Variants in MECOM observed in about 807,000 individuals in gnomAD.
MECOM encodes MDS1 and EVI1 complex locus, also known as histone-lysine N-methyltransferase MECOM.
MECOM carries 13 observed loss-of-function variants against 116.3 expected under a neutral mutation model. The observed-to-expected ratio is 0.11, with a 90% CI of 0.07 to 0.18. The LOEUF (loss-of-function observed/expected upper bound fraction) is 0.18, where lower values mean the gene tolerates loss of function less well. Ranked by LOEUF, MECOM falls within the 10% of genes least tolerant of loss-of-function variation. The pLI is 1.00. For synonymous variants in MECOM, 528 were observed against 535.2 expected (o/e 0.99, Z 0.19); for missense variants, 1,299 against 1,509.0 (o/e 0.86, Z 2.31).
chr3:169,271,759 A>G (rs1418742595), intron 2 of MECOM, among the ~76,000 whole-genome samples: 1 of 152,214 alleles, frequency 6.6e-6, no homozygotes, highest in Non-Finnish European at 1.5e-5. Flanking sequence ...AAATTTTAAA[A>G]AAAGAATTTT....
At chr3:169,282,310 T>C (rs1712237680) in intron 2 of MECOM, among the ~76,000 whole-genome samples, 1 of 152,152 alleles carries the variant, frequency 6.6e-6, no homozygotes, top group Admixed American at 6.5e-5. Context: ...AAGTAAGCAA[T>C]ATGCACAGGA....
intron 2 of MECOM, among the ~76,000 whole-genome samples, chr3:169,229,711 G>C (rs1225598634): frequency 2.0e-5 from 3 of 152,118 alleles, no homozygotes; most frequent in Non-Finnish European, 4.4e-5. Flanking sequence ...ATGCCCTCAA[G>C]ATAGCACTCA....
At chr3:169,385,260 T>C (rs1014538484) in intron 1 of MECOM, among the ~76,000 whole-genome samples, 1 of 152,146 alleles carries the variant, frequency 6.6e-6, no homozygotes, top group Non-Finnish European at 1.5e-5. Context: ...AAAATACATG[T>C]GTGTGCCCAG....
chr3:169,648,230 A>G (rs1185293327), intron 1 of MECOM, among the ~76,000 whole-genome samples: 2 of 152,244 alleles, frequency 1.3e-5, no homozygotes, highest in Admixed American at 6.5e-5. Context: ...ATTATGCTGT[A>G]TTAGGTATCA....
At chr3:169,158,984 G>GT (rs1190028175) in intron 2 of MECOM, among the ~76,000 whole-genome samples, 2 of 152,296 alleles carry the variant, frequency 1.3e-5, no homozygotes, top group East Asian at 3.9e-4. Context: ...CCAGTCATCT[G>GT]TTTTCACAAA....
chr3:169,349,435 C>T (rs549053734), intron 2 of MECOM, among the ~76,000 whole-genome samples: 10 of 151,944 alleles, frequency 6.6e-5, no homozygotes, highest in Non-Finnish European at 1.0e-4. Flanking sequence ...CCTATGGATA[C>T]AGGTATGCAT....
At chr3:169,572,629 G>A (rs1764040643) in intron 1 of MECOM, among the ~76,000 whole-genome samples, 1 of 152,164 alleles carries the variant, frequency 6.6e-6, no homozygotes, top group South Asian at 2.1e-4. Context: ...AAGAAAATGT[G>A]GCACATGTAC....
At chr3:169,650,773 C>G (rs1774797049) in intron 1 of MECOM, among the ~76,000 whole-genome samples, 1 of 152,002 alleles carries the variant, frequency 6.6e-6, no homozygotes, top group Non-Finnish European at 1.5e-5. Context: ...TAATTGCAGA[C>G]TTTACTTTCA....
intron 1 of MECOM, among the ~76,000 whole-genome samples, chr3:169,641,668 T>C (rs1773510796): frequency 2.0e-5 from 3 of 152,238 alleles, no homozygotes; most frequent in Non-Finnish European, 4.4e-5. Flanking sequence ...TATTAGCTCA[T>C]TTGAACCTCA....
intron 1 of MECOM, among the ~76,000 whole-genome samples, chr3:169,489,549 C>G (rs1752828502): frequency 6.6e-6 from 1 of 152,048 alleles, no homozygotes. Flanking sequence ...AGAAATGGAC[C>G]AAATGATCAG....
At chr3:169,647,709 T>C (rs1211920331) in intron 1 of MECOM, among the ~76,000 whole-genome samples, 1 of 152,208 alleles carries the variant, frequency 6.6e-6, no homozygotes, top group Non-Finnish European at 1.5e-5. Context: ...ATTCTGTGTG[T>C]GTTAAGTTTA....
chr3:169,252,711 G>T (rs1046177401), intron 2 of MECOM, among the ~76,000 whole-genome samples: 5 of 152,112 alleles, frequency 3.3e-5, no homozygotes, highest in African/African-American at 1.2e-4. Flanking sequence ...AGGCTAGCCA[G>T]CCCACAGAGG....
At position 169,371,514 on chromosome 3, in the gene MECOM, T is replaced by TACACACACAC. The variant is rs35247420; in HGVS notation, c.375+9663_375+9672dup. On this transcript the variant is annotated intron_variant, in intron 2 of 16. Transcript: ENST00000651503. ...GGGAGTAGATCTTAAGTATTTTCAC[T>TACACACACAC]ACACACACACACACACACACTCACA... Among the ~76,000 whole-genome samples, 152 of 149,552 alleles carry TACACACACAC rather than the reference T, an allele frequency of 1.0e-3. 1 individual carries two copies. The highest frequency in any genetic ancestry group is 3.4e-3 in the African/African-American group (141 of 40,888).
intron 1 of MECOM, among the ~76,000 whole-genome samples, chr3:169,662,725 C>G (rs1372997749): frequency 1.3e-5 from 2 of 152,184 alleles, no homozygotes; most frequent in Admixed American, 6.5e-5. Context: ...CCCGCCCGCC[C>G]GCGCAACTTC....
chr3:169,626,998 A>T (rs1056951826), intron 1 of MECOM, among the ~76,000 whole-genome samples: 3 of 152,208 alleles, frequency 2.0e-5, no homozygotes, highest in Non-Finnish European at 4.4e-5. Flanking sequence ...TGAATGTTCA[A>T]TGTGTCACTA....
intron 2 of MECOM, among the ~76,000 whole-genome samples, chr3:169,257,021 A>G (rs1756952021): frequency 6.6e-6 from 1 of 152,244 alleles, no homozygotes; most frequent in South Asian, 2.1e-4. Context: ...CAGCACAAAG[A>G]TGATGGATGT....
chr3:169,345,165 T>C (rs1725131063), intron 2 of MECOM, among the ~76,000 whole-genome samples: 1 of 152,136 alleles, frequency 6.6e-6, no homozygotes, highest in Non-Finnish European at 1.5e-5. Context: ...AATTGCACTG[T>C]CATTTCAAAG....
intron 1 of MECOM, among the ~76,000 whole-genome samples, chr3:169,409,499 AG>A (rs1737218416): frequency 1.3e-5 from 2 of 152,262 alleles, no homozygotes; most frequent in African/African-American, 4.8e-5. Flanking sequence ...CAACCTATCT[AG>A]CCCCAAACCA....
chr3:169,445,209 A>C (rs1363384585), intron 1 of MECOM, among the ~76,000 whole-genome samples: 3 of 152,196 alleles, frequency 2.0e-5, no homozygotes. Flanking sequence ...TAACCAGGCC[A>C]TGTCAGAGAC....
Sources: allele counts gnomAD v4.1 joint callset (sites outside exome capture counted in the v4.1 genomes callset), GRCh38; gene constraint gnomAD v4.1.1; transcripts MANE v1.5; gene names NCBI Gene and HGNC (gene_info 2026-07-23, HGNC 2026-07-21).